Variants in CORIN observed in about 807,000 individuals in gnomAD.
CORIN encodes the protein corin, serine peptidase.
Under a neutral mutation model 125.3 loss-of-function variants are expected in CORIN, and 117 were observed. The observed-to-expected ratio is 0.93, with a 90% CI of 0.80 to 1.09. The LOEUF is 1.09. Among genes scored for constraint, CORIN ranks in the 50% least tolerant of loss-of-function variants. CORIN has a pLI of 0.00. For synonymous variants in CORIN, 450 were observed against 466.4 expected, an observed-to-expected ratio of 0.96 and a Z score of 0.45; for missense variants, 1,253 against 1,306.7, an observed-to-expected ratio of 0.96 and a Z score of 0.63.
intron 20 of CORIN, among the ~76,000 whole-genome samples, chr4:47,602,169 G>A (rs1190108788): frequency 6.6e-6 from 1 of 152,154 alleles, no homozygotes; most frequent in African/African-American, 2.4e-5. Context: ...TACTCGGGAG[G>A]CTGAGGCAGG....
At chr4:47,757,867 CATATATATATGTATATATATAT>C (rs1553916045) in intron 4 of CORIN, among the ~76,000 whole-genome samples, 1 of 91,746 alleles carries the variant, frequency 1.1e-5, no homozygotes, top group Admixed American at 1.1e-4. Flanking sequence ...CATATATATA[CATATATATATGTATATATATAT>C]ATATATATAT....
At chr4:47,650,194 G>A (rs989414104) in intron 13 of CORIN, among the ~76,000 whole-genome samples, 1 of 152,140 alleles carries the variant, frequency 6.6e-6, no homozygotes, top group African/African-American at 2.4e-5. Flanking sequence ...ACCAAAGATA[G>A]GTGAAGAACT....
intron 1 of CORIN, among the ~76,000 whole-genome samples, chr4:47,826,042 G>T (rs947578185): frequency 1.3e-5 from 2 of 152,064 alleles, no homozygotes; most frequent in Non-Finnish European, 2.9e-5. Context: ...ACCCTAATAA[G>T]AAAACCTCCT....
chr4:47,614,185 T>A (rs1339291686), intron 19 of CORIN, among the ~76,000 whole-genome samples: 2 of 152,158 alleles, frequency 1.3e-5, no homozygotes, highest in African/African-American at 2.4e-5. Context: ...TTACCCCCAA[T>A]TTCTTTTTTT....
chr4:47,653,568 C>T lies in CORIN; in HGVS notation c.1828G>A (p.Asp610Asn), dbSNP rs1222456920. ...DGQADCDDDS[D>N]EENCGCKERD... is the part of the protein sequence containing the mutation. ...ACATACATACCACAGTTTTCCTCAT[C>T]ACTGTCATCGTCACAGTCGGCCTGG... Residue 610 changes from aspartate (D) to asparagine (N), a missense_variant, in exon 13 of 22, where the codon GAT (aspartate) becomes AAT (asparagine). Transcript: ENST00000273857. The T allele has an allele frequency of 3.7e-6, 6 of 1,613,534 alleles. No homozygotes were observed. Among genetic ancestry groups the T allele is most frequent in the Non-Finnish European group, 5.1e-6 (6 of 1,179,456 alleles).
chr4:47,825,569 C>A (rs895603034), intron 1 of CORIN, among the ~76,000 whole-genome samples: 1 of 152,060 alleles, frequency 6.6e-6, no homozygotes, highest in African/African-American at 2.4e-5. Flanking sequence ...AAGAGTAACA[C>A]TTGAATCCCA....
At chr4:47,790,794 G>A (rs1731043999) in intron 2 of CORIN, among the ~76,000 whole-genome samples, 1 of 152,032 alleles carries the variant, frequency 6.6e-6, no homozygotes, top group Non-Finnish European at 1.5e-5. Context: ...TTTCAGAAGT[G>A]AATCACTTAA....
intron 17 of CORIN, 68 bp downstream of exon 17, chr4:47,626,337 G>T: frequency 2.1e-6 from 2 of 943,544 alleles, no homozygotes; most frequent in Non-Finnish European, 3.5e-6. Context: ...AAAAATGGAA[G>T]AAAGGCCCAA....
chr4:47,756,896 A>G (rs1300117501), intron 4 of CORIN, among the ~76,000 whole-genome samples: 2 of 152,232 alleles, frequency 1.3e-5, no homozygotes, highest in African/African-American at 4.8e-5. Flanking sequence ...TTAAAAGCAG[A>G]CACAGTCTAA....
chr4:47,797,740 A>T (rs111690736), intron 2 of CORIN, among the ~76,000 whole-genome samples: 2,767 of 152,232 alleles, frequency 0.018, 93 homozygotes, highest in African/African-American at 0.061. Flanking sequence ...ATTCTTTACT[A>T]CTATAATGAA....
intron 5 of CORIN, among the ~76,000 whole-genome samples, chr4:47,720,392 C>G (rs1727290539): frequency 1.3e-5 from 2 of 152,128 alleles, no homozygotes; most frequent in African/African-American, 4.8e-5. Context: ...TTCTCCAGGT[C>G]AATATTCGCA....
intron 16 of CORIN, chr4:47,632,596 A>G (rs989033982): frequency 6.6e-6 from 1 of 152,192 alleles, no homozygotes; most frequent in African/African-American, 2.4e-5. Flanking sequence ...GCTCAGTTCA[A>G]TGGGAGTTTA....
At chr4:47,663,264 A>G (rs560159429) in intron 11 of CORIN, among the ~76,000 whole-genome samples, 1 of 152,302 alleles carries the variant, frequency 6.6e-6, no homozygotes, top group Admixed American at 6.5e-5. Flanking sequence ...ACGCTACAGC[A>G]TAACAATCCT....
chr4:47,786,854 A>C lies in CORIN; in HGVS notation c.280T>G (p.Ser94Ala). The change falls in exon 3 of 22, where the codon TCC becomes GCC. Residue 94 changes from serine to alanine, a missense_variant. Physicochemically the swap from Ser to Ala is moderately conservative, Grantham distance 99. Transcript: ENST00000273857. ...ATTGTATTTGTAAGAATAACATCGGACCCTTGGATTTCACCATCAGTGACC... is the reference window on the plus strand; with the variant it reads ...ATTGTATTTGTAAGAATAACATCGGCCCCTTGGATTTCACCATCAGTGACC... ...PLVTDGEIQGSDVILTNTIYN... is the reference protein window; with the variant it reads ...PLVTDGEIQGADVILTNTIYN... 6.2e-7 allele frequency: 1 copy of C among 1,613,866 alleles called. No homozygotes were observed.
intron 5 of CORIN, among the ~76,000 whole-genome samples, chr4:47,703,175 T>C (rs1451514032): frequency 6.6e-6 from 1 of 152,212 alleles, no homozygotes; most frequent in Non-Finnish European, 1.5e-5. Flanking sequence ...AGCACTCCGC[T>C]GGAGCCCCTC....
chr4:47,754,137 T>C (rs1442899511), intron 4 of CORIN, among the ~76,000 whole-genome samples: 3 of 152,258 alleles, frequency 2.0e-5, no homozygotes, highest in East Asian at 1.9e-4. Flanking sequence ...CCTGATTCTC[T>C]AGCTTTACAT....
intron 1 of CORIN, among the ~76,000 whole-genome samples, chr4:47,820,591 A>T (rs141186009): frequency 6.6e-6 from 1 of 152,202 alleles, no homozygotes; most frequent in Non-Finnish European, 1.5e-5. Context: ...AAATTAATAT[A>T]AAAGTAGATC....
chr4:47,802,473 C>A (rs1013888974), intron 2 of CORIN, among the ~76,000 whole-genome samples: 1 of 152,080 alleles, frequency 6.6e-6, no homozygotes, highest in South Asian at 2.1e-4. Context: ...GGTGGCCTGG[C>A]AAAAGCCCCC....
At chr4:47,782,177 G>C (rs568068435) in intron 3 of CORIN, among the ~76,000 whole-genome samples, 62 of 151,820 alleles carry the variant, frequency 4.1e-4, no homozygotes, top group African/African-American at 1.4e-3. Flanking sequence ...TTGAGGTCAG[G>C]AGTTCAAGAC....
Sources: allele counts gnomAD v4.1 joint callset (sites outside exome capture counted in the v4.1 genomes callset), GRCh38; gene constraint gnomAD v4.1.1; transcripts MANE v1.5; gene names NCBI Gene and HGNC (gene_info 2026-07-23, HGNC 2026-07-21).